MSRA: variants seen among roughly 807,000 people sequenced by gnomAD.
The protein encoded by MSRA is methionine sulfoxide reductase A, also known as mitochondrial peptide methionine sulfoxide reductase.
Under a neutral mutation model 31.3 loss-of-function variants are expected in MSRA, and 54 were observed. The observed-to-expected ratio is 1.73, with a 90% CI of 1.39 to 2.17. MSRA has a LOEUF of 2.17. Ranked by LOEUF, MSRA falls within the 30% of genes most tolerant of loss-of-function variation. The probability of loss-of-function intolerance (pLI) is 0.00; values close to 1 mark genes in which losing one functional copy is unlikely to be tolerated. For synonymous variants in MSRA, 169 were observed against 116.5 expected (o/e 1.45, Z -2.90); for missense variants, 507 against 300.9 (o/e 1.69, Z -5.07).
intron 5 of MSRA, among the ~76,000 whole-genome samples, chr8:10,386,425 T>C (rs367603927): frequency 1.3e-5 from 2 of 152,202 alleles, no homozygotes. Context: ...AAGGTTTTTA[T>C]ATGATGATGT....
chr8:10,281,711 G>A (rs1380149768), intron 3 of MSRA, among the ~76,000 whole-genome samples: 1 of 152,148 alleles, frequency 6.6e-6, no homozygotes, highest in East Asian at 1.9e-4. Context: ...TGGCTCCTCT[G>A]TGGGGAATTT....
intron 1 of MSRA, among the ~76,000 whole-genome samples, chr8:10,204,926 T>A (rs1808820881): frequency 6.6e-6 from 1 of 152,176 alleles, no homozygotes; most frequent in Non-Finnish European, 1.5e-5. Context: ...ATAGATGCAG[T>A]CCCTGTACAA....
chr8:10,299,536 T>A (rs1488647835), intron 3 of MSRA, among the ~76,000 whole-genome samples: 2 of 152,124 alleles, frequency 1.3e-5, no homozygotes, highest in East Asian at 1.9e-4. Context: ...GAATTAAAAT[T>A]ATATGGACTA....
chr8:10,151,431 C>T (rs1803668074), intron 1 of MSRA, among the ~76,000 whole-genome samples: 3 of 152,016 alleles, frequency 2.0e-5, no homozygotes, highest in African/African-American at 7.3e-5. Flanking sequence ...ATCATGAGGT[C>T]AGGATATCGA....
intron 1 of MSRA, among the ~76,000 whole-genome samples, chr8:10,123,456 A>T (rs987957246): frequency 1.3e-5 from 2 of 152,160 alleles, no homozygotes; most frequent in African/African-American, 4.8e-5. Context: ...ATTTTCTCCC[A>T]TTCTGTAGGT....
intron 5 of MSRA, among the ~76,000 whole-genome samples, chr8:10,334,846 G>A (rs1343346709): frequency 6.6e-6 from 1 of 152,202 alleles, no homozygotes; most frequent in African/African-American, 2.4e-5. Flanking sequence ...TAACTCCAGC[G>A]CGCCACCCCT....
intron 1 of MSRA, among the ~76,000 whole-genome samples, chr8:10,131,607 A>G (rs975120475): frequency 1.3e-5 from 2 of 152,234 alleles, no homozygotes; most frequent in African/African-American, 4.8e-5. Flanking sequence ...GTATTCACAC[A>G]TTGATGGGCT....
chr8:10,132,439 G>A (rs1006604431), intron 1 of MSRA, among the ~76,000 whole-genome samples: 29 of 152,172 alleles, frequency 1.9e-4, no homozygotes, highest in African/African-American at 6.5e-4. Flanking sequence ...GCATACCGTA[G>A]GCTGGGTGGC....
chr8:10,399,177 G>A (rs1473410943), intron 5 of MSRA, among the ~76,000 whole-genome samples: 8 of 152,224 alleles, frequency 5.3e-5, no homozygotes. Flanking sequence ...TGTGTGCCAG[G>A]TACGTGTTGG....
intron 2 of MSRA, among the ~76,000 whole-genome samples, chr8:10,242,755 A>C (rs1449471940): frequency 6.6e-6 from 1 of 152,138 alleles, no homozygotes; most frequent in African/African-American, 2.4e-5. Flanking sequence ...CACACCTTCA[A>C]AGCCACATAA....
intron 1 of MSRA, among the ~76,000 whole-genome samples, chr8:10,197,850 C>T (rs1808131338): frequency 1.3e-5 from 2 of 152,152 alleles, no homozygotes; most frequent in Admixed American, 6.5e-5. Context: ...GTGTGCGTCA[C>T]TTGGGGCAGT....
chr8:10,136,642 C>A (rs921975055), intron 1 of MSRA, among the ~76,000 whole-genome samples: 1 of 152,222 alleles, frequency 6.6e-6, no homozygotes, highest in East Asian at 1.9e-4. Context: ...GCCTTTACGT[C>A]AAGGGATACT....
At chr8:10,069,633 T>C (rs1563394388) in intron 1 of MSRA, among the ~76,000 whole-genome samples, 1 of 152,196 alleles carries the variant, frequency 6.6e-6, no homozygotes, top group African/African-American at 2.4e-5. Context: ...AAAAGTGAGC[T>C]AGCTGAATGC....
intron 5 of MSRA, among the ~76,000 whole-genome samples, chr8:10,368,425 G>A (rs1365802186): frequency 6.6e-6 from 1 of 152,226 alleles, no homozygotes; most frequent in East Asian, 1.9e-4. Context: ...AAAATCAGAA[G>A]ATGAAAGTGT....
At chr8:10,108,586 C>T (rs545482385) in intron 1 of MSRA, among the ~76,000 whole-genome samples, 81 of 152,254 alleles carry the variant, frequency 5.3e-4, no homozygotes, top group African/African-American at 1.9e-3. Context: ...ATTATTCATG[C>T]CCTCTTCTCT....
intron 5 of MSRA, among the ~76,000 whole-genome samples, chr8:10,403,951 A>G (rs77480112): frequency 3.0e-4 from 45 of 152,360 alleles, no homozygotes; most frequent in African/African-American, 1.0e-3. Context: ...GCCGTGACCC[A>G]TGAGCATTTA....
intron 3 of MSRA, among the ~76,000 whole-genome samples, chr8:10,274,830 C>G (rs1486761562): frequency 6.6e-6 from 1 of 152,096 alleles, no homozygotes; most frequent in African/African-American, 2.4e-5. Context: ...CATCCACCCA[C>G]TCACCTGTTC....
At chr8:10,284,168 T>G (rs1799808114) in intron 3 of MSRA, among the ~76,000 whole-genome samples, 1 of 152,074 alleles carries the variant, frequency 6.6e-6, no homozygotes, top group Admixed American at 6.6e-5. Context: ...GAAAACTGAC[T>G]GAAGAGAGAA....
intron 1 of MSRA, among the ~76,000 whole-genome samples, chr8:10,138,707 G>A (rs1323365366): frequency 1.2e-4 from 19 of 152,160 alleles, no homozygotes; most frequent in Non-Finnish European, 7.3e-5. Flanking sequence ...TGGAAAAAGA[G>A]GTTGCTCGCT....
Sources: gnomAD v4.1 joint callset for allele counts (sites outside exome capture counted in the v4.1 genomes callset) on GRCh38, gnomAD v4.1.1 for gene constraint, MANE v1.5 for transcripts, NCBI Gene and HGNC (gene_info 2026-07-23, HGNC 2026-07-21) for gene names.